The following ANXA5 variants were observed in gnomAD, a reference collection of about 807,000 sequenced individuals.
ANXA5 encodes the protein CBP-I.
Under a neutral mutation model 48.1 loss-of-function variants are expected in ANXA5, and 40 were observed. The observed-to-expected ratio is 0.83, with a 90% CI of 0.65 to 1.08. ANXA5 has a LOEUF of 1.08. ANXA5 is among the 50% of genes least tolerant of loss of function. The pLI, the probability that ANXA5 is intolerant of heterozygous loss-of-function variation, is 0.00. For missense variants in ANXA5, 357 were observed against 376.8 expected (o/e 0.95, Z 0.44); for synonymous variants, 113 against 129.1 (o/e 0.88, Z 0.85).
intron 5 of ANXA5, among the ~76,000 whole-genome samples, 171 bp downstream of exon 5, chr4:121,683,191 CGT>C (rs1268969201): frequency 6.6e-6 from 1 of 152,078 alleles, no homozygotes; most frequent in African/African-American, 2.4e-5. Context: ...AAATGACACA[CGT>C]GTAATTTTCT....
At chr4:121,675,581 T>G (rs1323278544) in intron 8 of ANXA5, among the ~76,000 whole-genome samples, 1 of 152,246 alleles carries the variant, frequency 6.6e-6, no homozygotes, top group Non-Finnish European at 1.5e-5. Flanking sequence ...TAAGAAAAGC[T>G]TGGATTCCAT....
chr4:121,681,891 T>A, intron 5 of ANXA5, 130 bp from the exon 6 acceptor site: 1 of 594,672 alleles, frequency 1.7e-6, no homozygotes, highest in Non-Finnish European at 2.9e-6. Context: ...GATTTCTTTG[T>A]ATATGAGTTC....
At position 121,678,414 on chromosome 4, in the gene ANXA5, C is replaced by A; in HGVS notation, c.474+1G>T. On this transcript the variant is annotated splice_donor_variant, in intron 7 of 12. Transcript: ENST00000296511. LOFTEE classifies it high-confidence loss of function. The stretch of plus-strand genomic sequence containing the variant: ...AACTGTAATTAATCTCCACGCAATA[C>A]CTGAAGGAGAACCACCAACATCCGC... The A allele has an allele frequency of 1.9e-6, 3 of 1,612,702 alleles. No homozygotes were observed. The highest frequency in any genetic ancestry group is 2.5e-6 in the Non-Finnish European group (3 of 1,179,244).
chr4:121,680,351 C>T (rs115728776), intron 6 of ANXA5, among the ~76,000 whole-genome samples: 1 of 152,270 alleles, frequency 6.6e-6, no homozygotes, highest in Admixed American at 6.5e-5. Context: ...TCTTGAAACT[C>T]TGCTGCATGT....
chr4:121,681,144 T>C (rs1724787006), intron 6 of ANXA5, among the ~76,000 whole-genome samples: 1 of 152,230 alleles, frequency 6.6e-6, no homozygotes, highest in South Asian at 2.1e-4. Flanking sequence ...TGCAGATTTC[T>C]GTTCATATAA....
chr4:121,681,819 A>G (rs1724798255), intron 5 of ANXA5, 58 bp from the exon 6 acceptor site: 1 of 1,306,376 alleles, frequency 7.7e-7, no homozygotes, highest in African/African-American at 1.5e-5. Flanking sequence ...AAAGTTATTA[A>G]AAGAAAGTTA....
chr4:121,683,325 T>C, intron 5 of ANXA5, 39 bp downstream of exon 5: 1 of 1,204,776 alleles, frequency 8.3e-7, no homozygotes, highest in East Asian at 2.6e-5. Flanking sequence ...AAAATAATAC[T>C]ATCTATGCAA....
chr4:121,674,161 C>G (rs1392056931), intron 8 of ANXA5, among the ~76,000 whole-genome samples: 1 of 125,856 alleles, frequency 7.9e-6, no homozygotes, highest in African/African-American at 3.0e-5. Context: ...AGCCTGGGCA[C>G]GAAGGAAAGG....
chr4:121,686,298 C>T lies in ANXA5; in HGVS notation c.84G>A (p.Met28Ile). ...RADAETLRKA[M>I]KGLGTDEESI... ...GGAAGCTAAATTTACCCAAGCCTTT[C>T]ATAGCCTTCCGAAGAGTTTCTGCAT... Residue 28 changes from methionine to isoleucine, a missense_variant, in exon 3 of 13, where the codon ATG (methionine) becomes ATA (isoleucine). Transcript: ENST00000296511. 2 of 1,613,954 alleles carry T rather than the reference C, an allele frequency of 1.2e-6. No individual in the cohort carries two copies. The highest frequency in any genetic ancestry group is 1.7e-6 in the Non-Finnish European group (2 of 1,179,896).
rs1298755543 is a variant in ANXA5, at chr4:121,669,711, T to C, written c.794A>G (p.Asp265Gly). The C allele has an allele frequency of 6.2e-7, 1 of 1,607,140 alleles. No individual in the cohort carries two copies. Among genetic ancestry groups the C allele is most frequent in the Non-Finnish European group, 8.5e-7 (1 of 1,178,174 alleles). Residue 265 changes from aspartate (D) to glycine (G), a missense_variant, in exon 12 of 13, where the codon GAT becomes GGT. Coordinates refer to ENST00000296511, the MANE Select transcript of ANXA5 (RefSeq NM_001154.4). ...CATGACTCTGATGAGGGTATGATCA[T>C]CTGTCCCAGCTCCCTTTAAAAAAAA... ...LYYAMKGAGT[D>G]DHTLIRVMVS...
intron 2 of ANXA5, among the ~76,000 whole-genome samples, chr4:121,686,862 G>A (rs72676891): frequency 0.12 from 18,205 of 152,190 alleles, 1,114 homozygotes; most frequent in South Asian, 0.16. Context: ...TGAAATGATC[G>A]TTCACGTGCC....
chr4:121,677,206 T>C (rs1362659700), intron 8 of ANXA5, among the ~76,000 whole-genome samples: 2 of 152,226 alleles, frequency 1.3e-5, no homozygotes, highest in Non-Finnish European at 2.9e-5. Flanking sequence ...ATTCTCTTAA[T>C]TGAAACATGT....
intron 5 of ANXA5, among the ~76,000 whole-genome samples, chr4:121,682,644 C>T (rs1011786130): frequency 1.3e-5 from 2 of 152,086 alleles, no homozygotes; most frequent in Non-Finnish European, 2.9e-5. Flanking sequence ...TGAGCACAAA[C>T]CAGCTCCTAT....
chr4:121,686,477 T>A, intron 2 of ANXA5, 105 bp from the exon 3 acceptor site: 1 of 823,204 alleles, frequency 1.2e-6, no homozygotes, highest in Non-Finnish European at 2.0e-6. Context: ...AGTCATTAAA[T>A]AAATTTACCA....
At chr4:121,696,676 C>T (rs1725089369) in intron 1 of ANXA5, 52 bp from the exon 2 acceptor site, 1 of 1,228,644 alleles carries the variant, frequency 8.1e-7, no homozygotes, top group South Asian at 2.9e-5. Context: ...AACTCGTGCC[C>T]TCCCCAAGCG....
chr4:121,696,627 GC>G lies in ANXA5; in HGVS notation c.-35-4del. 7.2e-7 allele frequency: 1 copy of G among 1,384,762 alleles called. No homozygotes were observed. The highest frequency in any genetic ancestry group is 2.0e-5 in the South Asian group (1 of 50,654). The allele number at this position is 1,384,762 out of a possible 1,614,324, so 85.8% of individuals were successfully genotyped here. On this transcript the variant is annotated splice_region_variant and splice_polypyrimidine_tract_variant and intron_variant, in intron 1 of 12. Coordinates refer to ENST00000296511, the MANE Select transcript of ANXA5 (RefSeq NM_001154.4). ...GGTCAGGGGAAGGTGAAGCAGGACT[GC>G]AAAAGAGAAGAAACCTCGGGCTTAG...
rs762384742 is a variant in ANXA5, at chr4:121,696,573, G to A, written c.9+8C>T. Reference sequence around the variant, plus strand: ...AAATCCAGCGCAGTGGGGGGCGCACGGCCTTACCTGTGCCATGGCGACTAC... The same window carrying A: ...AAATCCAGCGCAGTGGGGGGCGCACAGCCTTACCTGTGCCATGGCGACTAC... On this transcript the variant is annotated splice_region_variant and intron_variant, in intron 2 of 12. Coordinates refer to ENST00000296511, the MANE Select transcript of ANXA5 (RefSeq NM_001154.4). The A allele has an allele frequency of 1.4e-6, 2 of 1,404,950 alleles. No individual in the cohort carries two copies. Among genetic ancestry groups the A allele is most frequent in the South Asian group, 1.8e-5 (1 of 55,266 alleles). 87.0% of individuals were successfully genotyped at this position (1,404,950 alleles called of 1,614,324 possible).
chr4:121,696,469 A>T, intron 2 of ANXA5, 112 bp downstream of exon 2: 1 of 992,772 alleles, frequency 1.0e-6, no homozygotes, highest in Non-Finnish European at 1.3e-6. Context: ...TCCCCAAAGC[A>T]GGTTCCCTTT....
intron 11 of ANXA5, 60 bp from the exon 12 acceptor site, chr4:121,669,784 A>G (rs1201844668): frequency 2.5e-6 from 4 of 1,569,546 alleles, no homozygotes; most frequent in African/African-American, 1.4e-5. Flanking sequence ...CATAGGATCA[A>G]ATGCTCCCGG....
Sources: allele counts gnomAD v4.1 joint callset (sites outside exome capture counted in the v4.1 genomes callset), GRCh38; gene constraint gnomAD v4.1.1; transcripts MANE v1.5; gene names NCBI Gene and HGNC (gene_info 2026-07-23, HGNC 2026-07-21).